The following MAST4 variants were observed in gnomAD, a reference collection of about 807,000 sequenced individuals.
The protein encoded by MAST4 is microtubule-associated serine/threonine-protein kinase 4.
MAST4 carries 89 observed loss-of-function variants against 162.7 expected under a neutral mutation model. The observed-to-expected ratio is 0.55, with a 90% CI of 0.46 to 0.65. The LOEUF is 0.65. Ranked by LOEUF, MAST4 falls within the 30% of genes least tolerant of loss-of-function variation. The pLI, the probability that MAST4 is intolerant of heterozygous loss-of-function variation, is 0.00. For missense variants in MAST4, 3,153 were observed against 3,374.0 expected (o/e 0.93, Z 1.62); for synonymous variants, 1,479 against 1,361.1 (o/e 1.09, Z -1.91).
intron 1 of MAST4, among the ~76,000 whole-genome samples, chr5:66,695,895 A>G (rs923401612): frequency 2.0e-5 from 3 of 152,194 alleles, no homozygotes; most frequent in Non-Finnish European, 4.4e-5. Flanking sequence ...ATAAAGATAC[A>G]TGCACACGTA....
At chr5:66,830,338 T>A (rs927149351) in intron 3 of MAST4, among the ~76,000 whole-genome samples, 2 of 152,192 alleles carry the variant, frequency 1.3e-5, no homozygotes, top group East Asian at 1.9e-4. Context: ...CATATAGTGC[T>A]TGTGAGGGGC....
At chr5:67,000,431 C>T (rs141732713) in intron 4 of MAST4, among the ~76,000 whole-genome samples, 125 of 152,274 alleles carry the variant, frequency 8.2e-4, no homozygotes, top group Non-Finnish European at 1.3e-3. Flanking sequence ...CATTGTTCTA[C>T]GTGGACTGGA....
chr5:67,033,315 CTGTG>C (rs146627241), intron 4 of MAST4, among the ~76,000 whole-genome samples: 60 of 125,978 alleles, frequency 4.8e-4, no homozygotes, highest in East Asian at 2.7e-3. Context: ...TTTCATTTCT[CTGTG>C]TGTGTGTGTG....
At chr5:67,020,502 C>T (rs1023176603) in intron 4 of MAST4, among the ~76,000 whole-genome samples, 1 of 152,206 alleles carries the variant, frequency 6.6e-6, no homozygotes, top group Non-Finnish European at 1.5e-5. Context: ...GCATGTTTAA[C>T]GTCCTCCATA....
chr5:66,853,053 C>T lies in MAST4; in HGVS notation c.643-46898C>T, dbSNP rs1179020933. ...ATAAATCAAGTCCCTTTGTGATTTT[C>T]CTCCCATATATTCTGGTTTCTATTC... On this transcript the variant is annotated intron_variant, in intron 3 of 28. Transcript: ENST00000403625. 2.0e-5 allele frequency among the ~76,000 whole-genome samples: 3 copies of T among 152,184 alleles called. No homozygotes were observed. The East Asian group carries it at 5.8e-4, about 29-fold the overall frequency.
chr5:66,968,118 A>G (rs1029377160), intron 4 of MAST4, among the ~76,000 whole-genome samples: 2 of 152,206 alleles, frequency 1.3e-5, no homozygotes, highest in African/African-American at 4.8e-5. Flanking sequence ...GGACCCAGTA[A>G]GTAGCTGTAG....
At chr5:66,689,491 C>T (rs1748900278) in intron 1 of MAST4, among the ~76,000 whole-genome samples, 1 of 152,148 alleles carries the variant, frequency 6.6e-6, no homozygotes. Context: ...TTTCCCTTCC[C>T]AGGTGTTTCT....
chr5:66,894,240 C>T (rs1012638193), intron 3 of MAST4, among the ~76,000 whole-genome samples: 3 of 152,168 alleles, frequency 2.0e-5, no homozygotes, highest in Admixed American at 6.5e-5. Flanking sequence ...AAACAACATA[C>T]ACAAACCACT....
At chr5:66,814,666 A>T (rs1044756048) in intron 3 of MAST4, among the ~76,000 whole-genome samples, 4 of 152,196 alleles carry the variant, frequency 2.6e-5, no homozygotes, top group African/African-American at 7.2e-5. Flanking sequence ...GGGGATTTTT[A>T]AAAAGATGTA....
chr5:66,821,483 T>G (rs931363397), intron 3 of MAST4, among the ~76,000 whole-genome samples: 1 of 152,380 alleles, frequency 6.6e-6, no homozygotes, highest in South Asian at 2.1e-4. Context: ...ATTTTACTTT[T>G]GAGTTTTGAT....
intron 1 of MAST4, among the ~76,000 whole-genome samples, chr5:66,737,383 T>TAG (rs1752216262): frequency 6.6e-6 from 1 of 152,140 alleles, no homozygotes; most frequent in Non-Finnish European, 1.5e-5. Context: ...CAATGCCTCT[T>TAG]ACAGTTGAGC....
intron 1 of MAST4, among the ~76,000 whole-genome samples, chr5:66,678,450 T>C (rs1400620532): frequency 6.6e-6 from 1 of 152,078 alleles, no homozygotes; most frequent in Non-Finnish European, 1.5e-5. Context: ...GGCAAGTATG[T>C]TCATTAGCTT....
intron 3 of MAST4, among the ~76,000 whole-genome samples, chr5:66,853,286 G>A (rs569417388): frequency 6.6e-6 from 1 of 152,304 alleles, no homozygotes; most frequent in South Asian, 2.1e-4. Flanking sequence ...AATAGGTCCC[G>A]TGTGTGTGTC....
intron 1 of MAST4, among the ~76,000 whole-genome samples, chr5:66,679,242 G>A (rs1748165191): frequency 6.6e-6 from 1 of 152,194 alleles, no homozygotes; most frequent in Admixed American, 6.5e-5. Context: ...GAGAGGTAAG[G>A]GCAGGGATTA....
At chr5:66,926,851 A>G (rs1764943612) in intron 4 of MAST4, among the ~76,000 whole-genome samples, 1 of 152,176 alleles carries the variant, frequency 6.6e-6, no homozygotes, top group Admixed American at 6.5e-5. Flanking sequence ...TACTAAAAGT[A>G]TAAAGACATG....
In MAST4 at chr5:66,641,135, C is replaced by A. The variant is rs62362296; in HGVS notation, c.363+44117C>A. ...CTGAATTTTGGATGTTCACCTCTTA[C>A]TAGATATATGGTGTGCTCATTATTA... On this transcript the variant is annotated intron_variant, in intron 1 of 28. Transcript: ENST00000403625. Among the ~76,000 whole-genome samples the A allele has an allele frequency of 7.3e-3, 1,104 of 152,186 alleles. 2 individuals are homozygous for A. The highest frequency in any genetic ancestry group is 0.013 in the Non-Finnish European group (884 of 68,012).
intron 7 of MAST4, among the ~76,000 whole-genome samples, chr5:67,100,057 T>C (rs1284261297): frequency 6.6e-6 from 1 of 152,180 alleles, no homozygotes; most frequent in African/African-American, 2.4e-5. Flanking sequence ...CATTTGATTT[T>C]GAGCAGCAGT....
At chr5:66,991,939 T>C (rs1750105892) in intron 4 of MAST4, among the ~76,000 whole-genome samples, 1 of 152,214 alleles carries the variant, frequency 6.6e-6, no homozygotes, top group Non-Finnish European at 1.5e-5. Flanking sequence ...TAGCTGCAGT[T>C]CCTTCAGGGA....
At chr5:66,669,592 G>A (rs1580152022) in intron 1 of MAST4, among the ~76,000 whole-genome samples, 1 of 152,304 alleles carries the variant, frequency 6.6e-6, no homozygotes, top group East Asian at 1.9e-4. Flanking sequence ...TAGAACTAAG[G>A]CTGCCTGGCT....
Sources: allele counts gnomAD v4.1 joint callset (sites outside exome capture counted in the v4.1 genomes callset), GRCh38; gene constraint gnomAD v4.1.1; transcripts MANE v1.5; gene names NCBI Gene and HGNC (gene_info 2026-07-23, HGNC 2026-07-21).